KLHL14: variants seen among roughly 807,000 people sequenced by gnomAD.
KLHL14 encodes kelch-like protein 14.
KLHL14 carries 22 observed loss-of-function variants against 64.3 expected under a neutral mutation model. That is an observed-to-expected ratio of 0.34 (90% CI 0.24 to 0.49). KLHL14 has a LOEUF of 0.49. Among genes scored for constraint, KLHL14 ranks in the 20% least tolerant of loss-of-function variants. KLHL14 has a pLI of 0.99. For synonymous variants in KLHL14, 322 were observed against 333.4 expected (o/e 0.97, Z 0.37); for missense variants, 661 against 789.0 (o/e 0.84, Z 1.94).
chr18:32,750,372 C>A (rs780305279), intron 2 of KLHL14, among the ~76,000 whole-genome samples: 1 of 151,878 alleles, frequency 6.6e-6, no homozygotes, highest in East Asian at 1.9e-4. Flanking sequence ...TAAGTGATAG[C>A]GATTATTATT....
chr18:32,704,620 G>T (rs2049981518), intron 3 of KLHL14, among the ~76,000 whole-genome samples: 1 of 152,214 alleles, frequency 6.6e-6, no homozygotes, highest in East Asian at 1.9e-4. Flanking sequence ...TACTTGGGGG[G>T]CTGGGGCAGG....
chr18:32,757,611 T>C (rs935854511), intron 2 of KLHL14, among the ~76,000 whole-genome samples: 9 of 152,230 alleles, frequency 5.9e-5, no homozygotes, highest in Non-Finnish European at 1.3e-4. Context: ...CCTAAAATAA[T>C]TATTGTATTA....
At position 32,729,873 on chromosome 18, in the gene KLHL14, C is replaced by A. The variant is rs149540926; in HGVS notation, c.1069+12055G>T. Among the ~76,000 whole-genome samples, 40 of 152,108 alleles carry A rather than the reference C, an allele frequency of 2.6e-4. 1 individual carries two copies. In the East Asian group the frequency reaches 7.5e-3, roughly 29 times the overall value. ...ACCTAGAAAATGCCAATAAATAGAA[C>A]TAGAAATAGAAAAATCTGTATTACA... On this transcript the variant is annotated intron_variant, in intron 3 of 8. Transcript: ENST00000359358.
chr18:32,708,911 C>T (rs1202743117), intron 3 of KLHL14, among the ~76,000 whole-genome samples: 1 of 152,158 alleles, frequency 6.6e-6, no homozygotes, highest in Admixed American at 6.5e-5. Flanking sequence ...CTGCCCTGCC[C>T]TCCTGGTCAT....
chr18:32,686,187 T>C (rs1288247114), intron 5 of KLHL14, among the ~76,000 whole-genome samples: 6 of 147,112 alleles, frequency 4.1e-5, no homozygotes, highest in African/African-American at 1.3e-4. Context: ...ATTTTTTTTT[T>C]TTTTTTTTTT....
At chr18:32,714,030 T>C (rs2144502787) in intron 3 of KLHL14, among the ~76,000 whole-genome samples, 1 of 151,000 alleles carries the variant, frequency 6.6e-6, no homozygotes, top group Middle Eastern at 3.4e-3. Flanking sequence ...GATATACTAA[T>C]ATTTGTTGAT....
intron 1 of KLHL14, among the ~76,000 whole-genome samples, chr18:32,771,599 C>A (rs775955889): frequency 1.4e-4 from 21 of 152,058 alleles, no homozygotes; most frequent in Non-Finnish European, 2.6e-4. Context: ...CAGCGAGGGG[C>A]GGCACCGAGG....
In KLHL14 at chr18:32,680,139, G is replaced by T; in HGVS notation, c.1588+30C>A. The T allele has an allele frequency of 6.2e-7, 1 of 1,607,020 alleles. No homozygotes were observed. ...AAATATGAGGTGCAAATGTTATTGT[G>T]ACTAAAAAACAAAACAACAAAAAAA... is the stretch of plus-strand genomic sequence containing the variant. On this transcript the variant is annotated intron_variant, in intron 7 of 8. Transcript: ENST00000359358. The surrounding 1 kb of genome is among the most constrained non-coding windows in gnomAD (Gnocchi z 4.8).
chr18:32,765,196 C>T (rs1446688209), intron 2 of KLHL14, among the ~76,000 whole-genome samples: 1 of 152,132 alleles, frequency 6.6e-6, no homozygotes, highest in African/African-American at 2.4e-5. Context: ...ATGTGAAGTG[C>T]GTCAACATCA....
Position 32,771,000 on chromosome 18 carries a change from G to A in KLHL14, c.-43-366C>T, listed in dbSNP as rs2144201863. 1 of 408,428 alleles carries A rather than the reference G, an allele frequency of 2.4e-6. No homozygotes were observed. Among genetic ancestry groups the A allele is most frequent in the Non-Finnish European group, 4.9e-6 (1 of 203,194 alleles). The allele number at this position is 408,428 out of a possible 1,614,324, so 25.3% of individuals were successfully genotyped here. A position where few individuals can be genotyped will look rare whatever the true frequency, so the allele number is the denominator to read the frequency against. On this transcript the variant is annotated intron_variant, in intron 1 of 8. Transcript: ENST00000359358. The surrounding 1 kb of genome is among the most constrained non-coding windows in gnomAD (Gnocchi z 6.7). ...CGGCAAAGTGGCGGCTGAGGCCGAG[G>A]CACCTCGTGGGCTCGTGTCCATGCC...
chr18:32,746,128 T>C (rs1197440919), intron 2 of KLHL14, among the ~76,000 whole-genome samples: 1 of 152,230 alleles, frequency 6.6e-6, no homozygotes, highest in Non-Finnish European at 1.5e-5. Flanking sequence ...TATTTTCAAA[T>C]ACTCCTTTCA....
Position 32,683,235 on chromosome 18 carries a change from A to G in KLHL14, c.1239-2636T>C, listed in dbSNP as rs950036851. Among the ~76,000 whole-genome samples, 17 of 152,148 alleles carry G rather than the reference A, an allele frequency of 1.1e-4. No individual in the cohort carries two copies. Among genetic ancestry groups the G allele is most frequent in the Admixed American group, 2.0e-4 (3 of 15,272 alleles). On this transcript the variant is annotated intron_variant, in intron 5 of 8. Coordinates refer to ENST00000359358, the MANE Select transcript of KLHL14 (RefSeq NM_020805.3). This position sits in a 1 kb window ranked among gnomAD's most constrained non-coding sequence, Gnocchi z 4.2. ...CATGCGACACTTCGTGTGTACTCCT[A>G]GCTTTATCCACACAGTGTCACTGTT...
At chr18:32,689,769 G>A (rs748015283) in intron 4 of KLHL14, among the ~76,000 whole-genome samples, 16 of 152,172 alleles carry the variant, frequency 1.1e-4, no homozygotes, top group Non-Finnish European at 2.2e-4. Flanking sequence ...ATAAGTTGCA[G>A]TGGAAATAAG....
At chr18:32,677,961 T>C (rs186261172) in intron 7 of KLHL14, among the ~76,000 whole-genome samples, 4 of 152,348 alleles carry the variant, frequency 2.6e-5, no homozygotes, top group Admixed American at 2.6e-4. Flanking sequence ...AAATATGTTG[T>C]TCAGCATCTT....
Position 32,757,814 on chromosome 18 carries a change from G to C in KLHL14, c.947+11831C>G, listed in dbSNP as rs8087276. ...ACAAACAATACCAAAATCAATCACA[G>C]ATATTTTTCTCTGCCACACCAAATA... On this transcript the variant is annotated intron_variant, in intron 2 of 8. Coordinates refer to ENST00000359358, the MANE Select transcript of KLHL14 (RefSeq NM_020805.3). Among the ~76,000 whole-genome samples, 790 of 152,178 alleles carry C rather than the reference G, an allele frequency of 5.2e-3. 8 individuals carry two copies. Among genetic ancestry groups the C allele is most frequent in the African/African-American group, 0.018 (743 of 41,526 alleles).
At chr18:32,677,721 C>T (rs1397052697) in intron 7 of KLHL14, among the ~76,000 whole-genome samples, 1 of 152,166 alleles carries the variant, frequency 6.6e-6, no homozygotes, top group Non-Finnish European at 1.5e-5. Context: ...TGAACTCATT[C>T]AATCCCTTCC....
intron 3 of KLHL14, among the ~76,000 whole-genome samples, chr18:32,730,720 C>T (rs899521146): frequency 7.2e-5 from 11 of 152,136 alleles, no homozygotes; most frequent in Admixed American, 7.2e-4. Flanking sequence ...ATTGCCTTAG[C>T]AGTAGGGTTT....
At chr18:32,722,993 G>A (rs907237621) in intron 3 of KLHL14, among the ~76,000 whole-genome samples, 2 of 152,072 alleles carry the variant, frequency 1.3e-5, no homozygotes, top group Non-Finnish European at 2.9e-5. Context: ...CCTAACAGGC[G>A]TGGTCATTTT....
At chr18:32,695,402 T>C in intron 4 of KLHL14, 61 bp downstream of exon 4, 4 of 997,364 alleles carry the variant, frequency 4.0e-6, no homozygotes, top group South Asian at 3.9e-5. Context: ...GGACTGCTAC[T>C]GATGCCCTTC....
Sources: gnomAD v4.1 joint callset for allele counts (sites outside exome capture counted in the v4.1 genomes callset) on GRCh38, gnomAD v4.1.1 for gene constraint, Gnocchi (gnomAD v3.1) non-coding constraint, MANE v1.5 for transcripts, NCBI Gene and HGNC (gene_info 2026-07-23, HGNC 2026-07-21) for gene names.